MTUS2: variants seen among roughly 807,000 people sequenced by gnomAD.
MTUS2 encodes microtubule-associated tumor suppressor candidate 2.
A neutral mutation model predicts 114.1 loss-of-function variants in MTUS2; 40 were observed. The ratio of observed to expected loss-of-function variants is 0.35; its 90% CI spans 0.27 to 0.46. The LOEUF is 0.46. Among genes scored for constraint, MTUS2 ranks in the 20% least tolerant of loss-of-function variants. The pLI, the probability that MTUS2 is intolerant of heterozygous loss-of-function variation, is 1.00. For missense variants in MTUS2, 1,679 were observed against 1,705.4 expected, an observed-to-expected ratio of 0.98 and a Z score of 0.27; for synonymous variants, 688 against 672.0, an observed-to-expected ratio of 1.02 and a Z score of -0.37.
At chr13:29,012,656 G>A (rs993662122) in intron 2 of MTUS2, among the ~76,000 whole-genome samples, 22 of 151,912 alleles carry the variant, frequency 1.4e-4, no homozygotes, top group Admixed American at 8.5e-4. Context: ...GGCGGATCAC[G>A]AGGTCAGGAG....
intron 5 of MTUS2, among the ~76,000 whole-genome samples, chr13:29,226,675 A>C (rs1252904650): frequency 5.3e-5 from 3 of 56,196 alleles, no homozygotes; most frequent in South Asian, 8.0e-4. Context: ...TTAAAACTTG[A>C]ATTACCTTTA....
At chr13:29,181,224 AAC>A (rs1350255113) in intron 5 of MTUS2, among the ~76,000 whole-genome samples, 2 of 29,166 alleles carry the variant, frequency 6.9e-5, no homozygotes, top group African/African-American at 2.4e-4. Context: ...CCGACTGTGT[AAC>A]CCTATCAGCC....
chr13:29,226,023 A>G (rs992065524), intron 5 of MTUS2, among the ~76,000 whole-genome samples: 3 of 152,174 alleles, frequency 2.0e-5, no homozygotes, highest in African/African-American at 7.2e-5. Context: ...CAAAAATGCC[A>G]TATTAAATTT....
At chr13:29,347,770 G>A (rs538848370) in intron 7 of MTUS2, among the ~76,000 whole-genome samples, 4 of 152,158 alleles carry the variant, frequency 2.6e-5, no homozygotes, top group African/African-American at 4.8e-5. Flanking sequence ...TGACCCACAC[G>A]TCTGTCTGAC....
intron 5 of MTUS2, among the ~76,000 whole-genome samples, chr13:29,210,373 T>C (rs1895373767): frequency 1.3e-5 from 2 of 152,282 alleles, no homozygotes; most frequent in East Asian, 3.9e-4. Context: ...TTCACCTTTC[T>C]CTGGTGCCTC....
At chr13:29,260,747 C>A (rs999526698) in intron 5 of MTUS2, among the ~76,000 whole-genome samples, 1 of 152,190 alleles carries the variant, frequency 6.6e-6, no homozygotes, top group African/African-American at 2.4e-5. Flanking sequence ...ATCTTTCAGT[C>A]CTTTATTCAG....
intron 7 of MTUS2, among the ~76,000 whole-genome samples, chr13:29,335,821 A>G (rs1213082564): frequency 6.6e-6 from 1 of 152,232 alleles, no homozygotes; most frequent in Non-Finnish European, 1.5e-5. Flanking sequence ...ACTTTCAGGT[A>G]CAGTCAAACA....
intron 5 of MTUS2, among the ~76,000 whole-genome samples, chr13:29,127,470 A>G (rs557011746): frequency 6.6e-6 from 1 of 152,196 alleles, no homozygotes; most frequent in Non-Finnish European, 1.5e-5. Flanking sequence ...GCCTCATCCA[A>G]TCATTTCAAA....
intron 2 of MTUS2, among the ~76,000 whole-genome samples, chr13:28,971,700 G>T (rs925573838): frequency 2.6e-5 from 4 of 152,058 alleles, no homozygotes; most frequent in African/African-American, 9.7e-5. Context: ...TCTATTTTAC[G>T]CAGGGCTTCC....
intron 4 of MTUS2, among the ~76,000 whole-genome samples, chr13:29,065,911 A>AC (rs1427342564): frequency 6.6e-6 from 1 of 150,854 alleles, no homozygotes; most frequent in Non-Finnish European, 1.5e-5. Context: ...AACAAATTCA[A>AC]ACCCCCCCCC....
At chr13:28,947,936 T>G (rs1158784944) in intron 2 of MTUS2, among the ~76,000 whole-genome samples, 3 of 152,226 alleles carry the variant, frequency 2.0e-5, no homozygotes, top group African/African-American at 7.2e-5. Context: ...GGTTGTCAAT[T>G]TCAGTGGCTT....
At chr13:28,957,918 A>G (rs1883147829) in intron 2 of MTUS2, among the ~76,000 whole-genome samples, 1 of 152,188 alleles carries the variant, frequency 6.6e-6, no homozygotes, top group African/African-American at 2.4e-5. Flanking sequence ...ATGTTTTGTG[A>G]TAGGCATGGG....
At chr13:28,981,273 TA>T (rs1884347977) in intron 2 of MTUS2, among the ~76,000 whole-genome samples, 1 of 152,134 alleles carries the variant, frequency 6.6e-6, no homozygotes, top group East Asian at 1.9e-4. Flanking sequence ...ACAAATTAGA[TA>T]AAATGAGAAA....
chr13:29,308,098 G>A (rs868075817), intron 6 of MTUS2, among the ~76,000 whole-genome samples: 1 of 152,140 alleles, frequency 6.6e-6, no homozygotes, highest in African/African-American at 2.4e-5. Context: ...GAATAGCCAA[G>A]ACAATTCTAA....
chr13:29,358,046 AGAAGAG>A (rs1432838009), intron 7 of MTUS2, among the ~76,000 whole-genome samples: 1 of 152,204 alleles, frequency 6.6e-6, no homozygotes, highest in Non-Finnish European at 1.5e-5. Context: ...AGAGGAAAAC[AGAAGAG>A]GAAGAAAACA....
chr13:29,018,318 A>C lies in MTUS2; in HGVS notation c.-242-6139A>C, dbSNP rs1886152081. On this transcript the variant is annotated intron_variant, in intron 2 of 15. Coordinates refer to ENST00000612955, the MANE Select transcript of MTUS2 (RefSeq NM_001033602.4). ...GGGCCACTCAGGGTGATATTCTTGG[A>C]TGGCACCGTGGTGGATCCAGTGAGT... Among the ~76,000 whole-genome samples, 3 of 152,142 alleles carry C rather than the reference A, an allele frequency of 2.0e-5. No individual in the cohort carries two copies. In the South Asian group the frequency reaches 6.2e-4, roughly 32 times the overall value.
intron 4 of MTUS2, among the ~76,000 whole-genome samples, chr13:29,075,572 TC>T (rs914298336): frequency 6.6e-6 from 1 of 152,200 alleles, no homozygotes; most frequent in African/African-American, 2.4e-5. Context: ...CTGGATTCAC[TC>T]CATTAGATAA....
Position 29,033,944 on chromosome 13 carries a change from C to A in MTUS2, c.2265C>A (p.Val755=). 6.2e-7 allele frequency: 1 copy of A among 1,613,966 alleles called. No homozygotes were observed. Among genetic ancestry groups the A allele is most frequent in the Non-Finnish European group, 8.5e-7 (1 of 1,179,886 alleles). Residue 755 remains valine (V), a synonymous_variant, in exon 4 of 16, where the codon GTC becomes GTA. Coordinates refer to ENST00000612955, the MANE Select transcript of MTUS2 (RefSeq NM_001033602.4). ...FCSPPYAHYE[V]PPTFYRSAML... ...CTCCTCCCTATGCTCATTATGAAGT[C>A]CCTCCAACTTTCTATCGGTCAGCCA...
chr13:29,196,369 G>A (rs1894701472), intron 5 of MTUS2, among the ~76,000 whole-genome samples: 2 of 152,164 alleles, frequency 1.3e-5, no homozygotes, highest in East Asian at 3.9e-4. Context: ...CCAGAAAAAT[G>A]TGCAGACCTA....
Sources: gnomAD v4.1 joint callset for allele counts (sites outside exome capture counted in the v4.1 genomes callset) on GRCh38, gnomAD v4.1.1 for gene constraint, MANE v1.5 for transcripts, NCBI Gene and HGNC (gene_info 2026-07-23, HGNC 2026-07-21) for gene names.